CHCHD3: variants seen among roughly 807,000 people sequenced by gnomAD.
The protein encoded by CHCHD3 is MICOS complex subunit MIC19.
Under a neutral mutation model 38.2 loss-of-function variants are expected in CHCHD3, and 20 were observed. That is an observed-to-expected ratio of 0.52 (90% CI 0.37 to 0.76). The LOEUF is 0.76. CHCHD3 is among the 30% of genes least tolerant of loss of function. The probability of loss-of-function intolerance (pLI) is 0.00; values close to 1 mark genes in which losing one functional copy is unlikely to be tolerated. For synonymous variants in CHCHD3, 82 were observed against 100.0 expected (o/e 0.82, Z 1.07); for missense variants, 245 against 279.2 (o/e 0.88, Z 0.87).
rs147275227 is a variant in CHCHD3 at position 132,978,193 on chromosome 7, A to G, written c.252-2907T>C. On this transcript the variant is annotated intron_variant, in intron 3 of 7. Coordinates refer to ENST00000262570, the MANE Select transcript of CHCHD3 (RefSeq NM_017812.4). ...AGCAGTAATAATAATAGTACCCACT[A>G]TGCGGGTAGGAATACAGAGAAAGCA... Among the ~76,000 whole-genome samples the G allele has an allele frequency of 3.5e-3, 533 of 152,340 alleles. 4 individuals carry two copies. Among genetic ancestry groups the G allele is most frequent in the Non-Finnish European group, 5.7e-3 (390 of 68,020 alleles).
chr7:132,815,499 T>C, intron 6 of CHCHD3: 1 of 451,980 alleles, frequency 2.2e-6, no homozygotes, highest in African/African-American at 2.0e-5. Flanking sequence ...CAAATGCCAG[T>C]CACAGTTTCA....
At chr7:133,067,394 G>A (rs958490792) in intron 2 of CHCHD3, among the ~76,000 whole-genome samples, 1 of 151,974 alleles carries the variant, frequency 6.6e-6, no homozygotes, top group African/African-American at 2.4e-5. Flanking sequence ...AGAAACAATG[G>A]TTATAGCACA....
intron 2 of CHCHD3, among the ~76,000 whole-genome samples, chr7:133,051,408 C>A (rs1208888438): frequency 6.6e-6 from 1 of 152,134 alleles, no homozygotes; most frequent in African/African-American, 2.4e-5. Flanking sequence ...CTTGACAGTA[C>A]CCTTTTAACT....
chr7:133,079,107 TA>T, intron 1 of CHCHD3, among the ~76,000 whole-genome samples: 1 of 152,346 alleles, frequency 6.6e-6, no homozygotes, highest in South Asian at 2.1e-4. Flanking sequence ...GGGCAGAATG[TA>T]AGACTCCCAT....
In CHCHD3 at chr7:132,785,417, A is replaced by G. The variant is rs562587859; in HGVS notation, c.*220T>C. The G allele has an allele frequency of 8.3e-6, 5 of 604,506 alleles. No homozygotes were observed. The highest frequency in any genetic ancestry group is 1.5e-5 in the Non-Finnish European group (5 of 336,126). 37.4% of individuals were successfully genotyped at this position (604,506 alleles called of 1,614,324 possible). A position where few individuals can be genotyped will look rare whatever the true frequency, so the allele number is the denominator to read the frequency against. Reference sequence around the variant, plus strand: ...TCATAAGAGGGTTTACTAATACTCAAGAGTGTCCTTTAATGACTGATCCCT... The same window carrying G: ...TCATAAGAGGGTTTACTAATACTCAGGAGTGTCCTTTAATGACTGATCCCT... On this transcript the variant is annotated 3_prime_UTR_variant, in exon 8 of 8. Coordinates refer to ENST00000262570, the MANE Select transcript of CHCHD3 (RefSeq NM_017812.4).
chr7:132,891,613 T>C (rs1809362707), intron 4 of CHCHD3, among the ~76,000 whole-genome samples: 1 of 152,216 alleles, frequency 6.6e-6, no homozygotes, highest in South Asian at 2.1e-4. Context: ...TTTAAGTTTC[T>C]TCATACTAAT....
intron 6 of CHCHD3, among the ~76,000 whole-genome samples, chr7:132,824,536 G>A (rs1041356626): frequency 7.9e-5 from 12 of 151,954 alleles, no homozygotes; most frequent in Admixed American, 4.6e-4. Context: ...GGATGGTCTC[G>A]ATTTCCTGAC....
intron 4 of CHCHD3, among the ~76,000 whole-genome samples, chr7:132,896,246 T>C (rs1056595395): frequency 6.6e-6 from 1 of 152,224 alleles, no homozygotes; most frequent in Non-Finnish European, 1.5e-5. Context: ...GAATCAAAGC[T>C]TCTATCACAT....
In CHCHD3 at chr7:132,978,013, A is replaced by G. The variant is rs1468558601; in HGVS notation, c.252-2727T>C. Among the ~76,000 whole-genome samples, 9 of 152,286 alleles carry G rather than the reference A, an allele frequency of 5.9e-5. No homozygotes were observed. The South Asian group carries it at 1.9e-3, about 32-fold the overall frequency. On this transcript the variant is annotated intron_variant, in intron 3 of 7. Transcript: ENST00000262570. ...TCCAAATCAAGGCTCTAAACTTCCT[A>G]TCTGAATAAGTACTTTATTTAATCT...
intron 4 of CHCHD3, among the ~76,000 whole-genome samples, chr7:132,963,597 C>T (rs1021612472): frequency 2.0e-5 from 3 of 150,202 alleles, no homozygotes; most frequent in Non-Finnish European, 4.4e-5. Flanking sequence ...CCACTGCATT[C>T]CAGCCTGGGC....
chr7:132,854,338 T>C (rs1808293874), intron 5 of CHCHD3, among the ~76,000 whole-genome samples: 1 of 152,142 alleles, frequency 6.6e-6, no homozygotes, highest in African/African-American at 2.4e-5. Context: ...CTTTGGTTTG[T>C]TTTTTCCCCC....
chr7:132,885,187 G>A (rs925615323), intron 5 of CHCHD3, among the ~76,000 whole-genome samples: 1 of 152,178 alleles, frequency 6.6e-6, no homozygotes, highest in Admixed American at 6.5e-5. Context: ...GGTAGGTGGA[G>A]GTTGCAGTGA....
At chr7:133,030,753 G>C (rs1249530985) in intron 2 of CHCHD3, among the ~76,000 whole-genome samples, 2 of 152,090 alleles carry the variant, frequency 1.3e-5, no homozygotes, top group Non-Finnish European at 2.9e-5. Context: ...TCTCAATGGT[G>C]AATGTATCTT....
intron 1 of CHCHD3, among the ~76,000 whole-genome samples, chr7:133,072,822 T>C (rs1814864206): frequency 2.0e-5 from 2 of 97,900 alleles, no homozygotes; most frequent in African/African-American, 3.5e-5. Flanking sequence ...TGAGACTCCG[T>C]CTCAAAAAAA....
At chr7:132,833,719 T>C (rs927081754) in intron 6 of CHCHD3, among the ~76,000 whole-genome samples, 3 of 152,290 alleles carry the variant, frequency 2.0e-5, no homozygotes, top group South Asian at 2.1e-4. Context: ...AAACTATACA[T>C]TGAGGGGCTG....
chr7:132,925,788 C>T (rs891787382), intron 4 of CHCHD3, among the ~76,000 whole-genome samples: 5 of 152,178 alleles, frequency 3.3e-5, no homozygotes, highest in African/African-American at 1.2e-4. Context: ...AGCACAAACA[C>T]AGAGCAACAA....
intron 1 of CHCHD3, among the ~76,000 whole-genome samples, chr7:133,075,795 C>T (rs1288099711): frequency 6.6e-6 from 1 of 152,166 alleles, no homozygotes; most frequent in Non-Finnish European, 1.5e-5. Context: ...TGTGGTGGCT[C>T]ACGCCTATAA....
At chr7:132,832,297 A>G (rs1807670718) in intron 6 of CHCHD3, among the ~76,000 whole-genome samples, 1 of 152,152 alleles carries the variant, frequency 6.6e-6, no homozygotes, top group Non-Finnish European at 1.5e-5. Flanking sequence ...GGTTTCAACA[A>G]CTTCATTCAG....
At chr7:133,055,974 G>A (rs890652725) in intron 2 of CHCHD3, among the ~76,000 whole-genome samples, 19 of 151,850 alleles carry the variant, frequency 1.3e-4, no homozygotes, top group African/African-American at 1.7e-4. Flanking sequence ...GTGAGACCCC[G>A]TCTCTACAAA....
Sources: gnomAD v4.1 joint callset for allele counts (sites outside exome capture counted in the v4.1 genomes callset) on GRCh38, gnomAD v4.1.1 for gene constraint, MANE v1.5 for transcripts, NCBI Gene and HGNC (gene_info 2026-07-23, HGNC 2026-07-21) for gene names.